KCNQ5: variants seen among roughly 807,000 people sequenced by gnomAD.
KCNQ5 encodes the protein potassium voltage-gated channel subfamily Q member 5.
KCNQ5 carries 30 observed loss-of-function variants against 98.2 expected under a neutral mutation model. The ratio of observed to expected loss-of-function variants is 0.31; its 90% CI spans 0.23 to 0.41. KCNQ5 has a LOEUF of 0.41. KCNQ5 is among the 10% of genes least tolerant of loss of function. The probability of loss-of-function intolerance (pLI) is 1.00; values close to 1 mark genes in which losing one functional copy is unlikely to be tolerated. For missense variants in KCNQ5, 835 were observed against 1,182.5 expected (o/e 0.71, Z 4.31); for synonymous variants, 458 against 449.4 (o/e 1.02, Z -0.24).
rs569981601 is a variant in KCNQ5, at chr6:72,630,858, A to G, written c.398+8271A>G. Among the ~76,000 whole-genome samples the G allele has an allele frequency of 3.5e-4, 53 of 152,326 alleles. 1 individual carries two copies. In the South Asian group the frequency reaches 0.01, roughly 29 times the overall value. ...TTTGAGGAAGATAGGATTTAGGCAA[A>G]TAATAATGTCATTGGATTTCCATTT... On this transcript the variant is annotated intron_variant, in intron 1 of 13. Coordinates refer to ENST00000370398, the MANE Select transcript of KCNQ5 (RefSeq NM_019842.4).
intron 1 of KCNQ5, among the ~76,000 whole-genome samples, chr6:73,003,678 A>G (rs1769692110): frequency 6.6e-6 from 1 of 152,094 alleles, no homozygotes; most frequent in Non-Finnish European, 1.5e-5. Context: ...CACACACACA[A>G]ACCCACAAAC....
intron 5 of KCNQ5, among the ~76,000 whole-genome samples, chr6:73,090,307 T>C (rs1179307781): frequency 6.6e-6 from 1 of 152,216 alleles, no homozygotes; most frequent in African/African-American, 2.4e-5. Flanking sequence ...ATTCTAGATA[T>C]TCATCCTTTG....
intron 1 of KCNQ5, among the ~76,000 whole-genome samples, chr6:72,658,067 C>A (rs1766284927): frequency 6.6e-6 from 1 of 152,066 alleles, no homozygotes; most frequent in South Asian, 2.1e-4. Flanking sequence ...CCAAGAAGTT[C>A]TCCTGAAACT....
intron 10 of KCNQ5, among the ~76,000 whole-genome samples, chr6:73,144,432 A>G (rs79886348): frequency 6.6e-6 from 1 of 152,280 alleles, no homozygotes; most frequent in African/African-American, 2.4e-5. Flanking sequence ...TGCACATGAA[A>G]CCCTGAGATT....
intron 10 of KCNQ5, among the ~76,000 whole-genome samples, chr6:73,138,005 G>A (rs1298991110): frequency 6.6e-6 from 1 of 152,062 alleles, no homozygotes; most frequent in Non-Finnish European, 1.5e-5. Flanking sequence ...CCCAGCCTCA[G>A]CTGCCAAACC....
intron 1 of KCNQ5, among the ~76,000 whole-genome samples, chr6:72,762,587 G>A (rs1772344844): frequency 6.6e-6 from 1 of 152,030 alleles, no homozygotes; most frequent in Admixed American, 6.6e-5. Context: ...AGGACGAAAA[G>A]GTGGTGTAGT....
chr6:72,835,560 A>T (rs1246200812), intron 1 of KCNQ5, among the ~76,000 whole-genome samples: 1 of 152,162 alleles, frequency 6.6e-6, no homozygotes, highest in Non-Finnish European at 1.5e-5. Context: ...AAATTTATCA[A>T]CCATGTTATT....
At chr6:73,084,393 C>CATTTTAAATCCATTTT (rs1773899233) in intron 5 of KCNQ5, among the ~76,000 whole-genome samples, 1 of 151,960 alleles carries the variant, frequency 6.6e-6, no homozygotes, top group African/African-American at 2.4e-5. Context: ...CCATTTTTTC[C>CATTTTAAATCCATTTT]AAAATCAGCT....
chr6:73,193,561 G>A (rs118041196), intron 13 of KCNQ5, among the ~76,000 whole-genome samples: 4,643 of 151,000 alleles, frequency 0.031, 95 homozygotes, highest in East Asian at 0.068. Flanking sequence ...CACATTGAAT[G>A]TTTGTTAACC....
At chr6:73,061,254 G>A (rs1392784701) in intron 3 of KCNQ5, among the ~76,000 whole-genome samples, 1 of 152,114 alleles carries the variant, frequency 6.6e-6, no homozygotes, top group African/African-American at 2.4e-5. Context: ...TTTACAAAAA[G>A]AAGAGAATAA....
chr6:72,720,968 C>A (rs905497903), intron 1 of KCNQ5, among the ~76,000 whole-genome samples: 3 of 152,080 alleles, frequency 2.0e-5, no homozygotes, highest in Non-Finnish European at 4.4e-5. Flanking sequence ...GGTGAGCATT[C>A]CTTGGAAGAC....
chr6:72,730,221 T>A (rs1024112834), intron 1 of KCNQ5, among the ~76,000 whole-genome samples: 1 of 152,180 alleles, frequency 6.6e-6, no homozygotes, highest in African/African-American at 2.4e-5. Context: ...CCTGCATATA[T>A]GCCAAGGAAA....
chr6:73,068,165 G>A (rs9359012), intron 3 of KCNQ5, among the ~76,000 whole-genome samples: 147,604 of 152,106 alleles, frequency 0.97, 71,763 homozygotes, highest in Middle Eastern at 1. Flanking sequence ...GCATGGTGGC[G>A]GGTGCCTGTA....
intron 1 of KCNQ5, among the ~76,000 whole-genome samples, chr6:72,677,451 T>C (rs996024492): frequency 4.6e-5 from 7 of 152,210 alleles, no homozygotes; most frequent in Non-Finnish European, 1.0e-4. Context: ...ACCATGAACT[T>C]TTCTAAGTTA....
intron 1 of KCNQ5, among the ~76,000 whole-genome samples, chr6:72,730,591 A>G (rs1034018770): frequency 3.3e-5 from 5 of 152,218 alleles, no homozygotes; most frequent in Non-Finnish European, 7.3e-5. Flanking sequence ...CTATACACAT[A>G]TGAAATGCCA....
At chr6:72,876,107 G>C (rs189229838) in intron 1 of KCNQ5, among the ~76,000 whole-genome samples, 1 of 151,956 alleles carries the variant, frequency 6.6e-6, no homozygotes, top group Non-Finnish European at 1.5e-5. Context: ...AACATTTATA[G>C]TTAGTTATTT....
chr6:72,751,064 G>A (rs1176766129), intron 1 of KCNQ5, among the ~76,000 whole-genome samples: 6 of 152,016 alleles, frequency 3.9e-5, no homozygotes, highest in African/African-American at 1.4e-4. Flanking sequence ...CTATGATTTG[G>A]CTAAAGAGAA....
At chr6:72,788,407 T>C (rs1008215011) in intron 1 of KCNQ5, among the ~76,000 whole-genome samples, 12 of 152,212 alleles carry the variant, frequency 7.9e-5, no homozygotes, top group African/African-American at 2.7e-4. Context: ...GGATGACTTA[T>C]CAAATACAGT....
chr6:73,113,515 G>A (rs1349882318), intron 7 of KCNQ5, among the ~76,000 whole-genome samples: 1 of 152,156 alleles, frequency 6.6e-6, no homozygotes, highest in Non-Finnish European at 1.5e-5. Flanking sequence ...TAAAAACCAA[G>A]TTTGCCAATG....
Sources: gnomAD v4.1 joint callset for allele counts (sites outside exome capture counted in the v4.1 genomes callset) on GRCh38, gnomAD v4.1.1 for gene constraint, MANE v1.5 for transcripts, NCBI Gene and HGNC (gene_info 2026-07-23, HGNC 2026-07-21) for gene names.